Variants in SPTB observed in about 807,000 individuals in gnomAD.
The protein encoded by SPTB is spectrin beta, erythrocytic, also known as spectrin beta chain, erythrocytic.
Under a neutral mutation model 256.2 loss-of-function variants are expected in SPTB, and 45 were observed. That is an observed-to-expected ratio of 0.18 (90% CI 0.14 to 0.23). The LOEUF (loss-of-function observed/expected upper bound fraction) is 0.23, where lower values mean the gene tolerates loss of function less well. Among genes scored for constraint, SPTB ranks in the 10% least tolerant of loss-of-function variants. The pLI is 1.00. For synonymous variants in SPTB, 1,231 were observed against 1,243.1 expected (o/e 0.99, Z 0.21); for missense variants, 2,715 against 3,040.4 (o/e 0.89, Z 2.52).
intron 1 of SPTB, among the ~76,000 whole-genome samples, chr14:64,836,362 C>A (rs1481115620): frequency 6.6e-6 from 1 of 152,142 alleles, no homozygotes; most frequent in Non-Finnish European, 1.5e-5. Flanking sequence ...ACACATAAAG[C>A]TGCTGCACAG....
Position 64,826,128 on chromosome 14 carries a change from G to A in SPTB, c.-51-2983C>T, listed in dbSNP as rs1354698646. 6.6e-6 allele frequency among the ~76,000 whole-genome samples: 1 copy of A among 152,232 alleles called. No homozygotes were observed. Among genetic ancestry groups the A allele is most frequent in the Non-Finnish European group, 1.5e-5 (1 of 68,042 alleles). ...GCCCTGCCCAGATGGCATTCCATCAGAGTCAAGGGGGTCATGGGATGGGCC... is the reference window on the plus strand; with the variant it reads ...GCCCTGCCCAGATGGCATTCCATCAAAGTCAAGGGGGTCATGGGATGGGCC... On this transcript the variant is annotated intron_variant, in intron 1 of 35. Transcript: ENST00000644917. The surrounding 1 kb of genome is among the most constrained non-coding windows in gnomAD (Gnocchi z 4.4).
chr14:64,799,230 T>C (rs2082835361), intron 9 of SPTB, among the ~76,000 whole-genome samples: 1 of 152,244 alleles, frequency 6.6e-6, no homozygotes, highest in Non-Finnish European at 1.5e-5. Flanking sequence ...TGTAAGCATA[T>C]GCACACAGGC....
At position 64,873,491 on chromosome 14, in the gene SPTB, C is replaced by T. The variant is rs966662721; in HGVS notation, c.-52+6301G>A. 2.0e-5 allele frequency among the ~76,000 whole-genome samples: 3 copies of T among 152,160 alleles called. No homozygotes were observed. The highest frequency in any genetic ancestry group is 4.4e-5 in the Non-Finnish European group (3 of 68,030). On this transcript the variant is annotated intron_variant, in intron 1 of 35. Coordinates refer to ENST00000644917, the MANE Select transcript of SPTB (RefSeq NM_001355436.2). This position sits in a 1 kb window ranked among gnomAD's most constrained non-coding sequence, Gnocchi z 4.3. ...ATGAAAAACCCAAAACATCAATTAA[C>T]GGGCAGATGAACCCTTCATTTATCT...
At chr14:64,857,611 A>T (rs1296358877) in intron 1 of SPTB, among the ~76,000 whole-genome samples, 5 of 146,148 alleles carry the variant, frequency 3.4e-5, no homozygotes, top group African/African-American at 1.3e-4. Flanking sequence ...AAAAATCCTG[A>T]TTCTGGAAAT....
At chr14:64,801,915 A>G in intron 5 of SPTB, 81 bp from the exon 6 acceptor site, 12 of 1,352,972 alleles carry the variant, frequency 8.9e-6, no homozygotes, top group Non-Finnish European at 1.3e-5. Context: ...GGGCCAATAT[A>G]CCAGGAGAGA....
intron 1 of SPTB, among the ~76,000 whole-genome samples, chr14:64,849,672 G>C (rs1444851187): frequency 1.3e-5 from 2 of 152,154 alleles, no homozygotes; most frequent in Non-Finnish European, 2.9e-5. Context: ...ACTGAGATGA[G>C]GGCCATTCCT....
rs1444526387 is a variant in SPTB, at chr14:64,845,607, A to C, written c.-51-22462T>G. Reference sequence around the variant, plus strand: ...TAGGACTGTAGAGATGAAAAGCAAAAGGTTGTGACACCAGTATCAGGAGAC... The same window carrying C: ...TAGGACTGTAGAGATGAAAAGCAAACGGTTGTGACACCAGTATCAGGAGAC... On this transcript the variant is annotated intron_variant, in intron 1 of 35. Transcript: ENST00000644917. The surrounding 1 kb of genome is among the most constrained non-coding windows in gnomAD (Gnocchi z 4.8). Among the ~76,000 whole-genome samples, 1 of 152,238 alleles carries C rather than the reference A, an allele frequency of 6.6e-6. No homozygotes were observed. The highest frequency in any genetic ancestry group is 1.5e-5 in the Non-Finnish European group (1 of 68,040).
chr14:64,842,947 G>T (rs2083630418), intron 1 of SPTB, among the ~76,000 whole-genome samples: 1 of 152,080 alleles, frequency 6.6e-6, no homozygotes, highest in African/African-American at 2.4e-5. Flanking sequence ...CACACCTATA[G>T]TCTCAGCTAT....
chr14:64,749,959 T>C lies in SPTB; in HGVS notation c.6776+22A>G. On this transcript the variant is annotated intron_variant, in intron 34 of 35. Coordinates refer to ENST00000644917, the MANE Select transcript of SPTB (RefSeq NM_001355436.2). This position sits in a 1 kb window ranked among gnomAD's most constrained non-coding sequence, Gnocchi z 4.7. ...CAAATCAAGCCATCAACCCGAGCTT[T>C]CAAAGGCCAGGAAGGCCTCACCTCA... The C allele has an allele frequency of 3.1e-6, 5 of 1,614,190 alleles. No homozygotes were observed. Among genetic ancestry groups the C allele is most frequent in the Non-Finnish European group, 4.2e-6 (5 of 1,180,034 alleles).
chr14:64,779,378 G>T lies in SPTB; in HGVS notation c.4474-132C>A. 2.5e-6 allele frequency: 2 copies of T among 797,178 alleles called. No individual in the cohort carries two copies. Among genetic ancestry groups the T allele is most frequent in the Non-Finnish European group, 4.3e-6 (2 of 468,262 alleles). 49.4% of individuals were successfully genotyped at this position (797,178 alleles called of 1,614,324 possible). ...CCTCCCAACACCCCATCAGGGTTTT[G>T]CCCCCATTTTATAGGTTAGAATATT... On this transcript the variant is annotated intron_variant, in intron 21 of 35. Coordinates refer to ENST00000644917, the MANE Select transcript of SPTB (RefSeq NM_001355436.2). This position sits in a 1 kb window ranked among gnomAD's most constrained non-coding sequence, Gnocchi z 4.2.
At chr14:64,815,792 T>C (rs2083181064) in intron 2 of SPTB, among the ~76,000 whole-genome samples, 1 of 152,128 alleles carries the variant, frequency 6.6e-6, no homozygotes, top group Non-Finnish European at 1.5e-5. Context: ...CACCACTCCA[T>C]AGGTGGCTTC....
intron 25 of SPTB, 40 bp downstream of exon 25, chr14:64,773,180 T>C: frequency 6.2e-7 from 1 of 1,612,730 alleles, no homozygotes; most frequent in Non-Finnish European, 8.5e-7. Flanking sequence ...GTCTACCGCA[T>C]TAGAGAAAGA....
rs972687353 is a variant in SPTB, at chr14:64,845,071, C to T, written c.-51-21926G>A. 6.6e-6 allele frequency among the ~76,000 whole-genome samples: 1 copy of T among 152,220 alleles called. No individual in the cohort carries two copies. Among genetic ancestry groups the T allele is most frequent in the African/African-American group, 2.4e-5 (1 of 41,450 alleles). On this transcript the variant is annotated intron_variant, in intron 1 of 35. Transcript: ENST00000644917. The surrounding 1 kb of genome is among the most constrained non-coding windows in gnomAD (Gnocchi z 4.8). ...AGCAAAGCACTGAGAAATGAAAGATCCAAAGTAATCCATAACCAAACCAGG... is the reference window on the plus strand; with the variant it reads ...AGCAAAGCACTGAGAAATGAAAGATTCAAAGTAATCCATAACCAAACCAGG...
chr14:64,767,837 C>T lies in SPTB; in HGVS notation c.6045G>A (p.Ser2015=), dbSNP rs149362111. Residue 2015 remains serine, a synonymous_variant, in exon 30 of 36, where the codon TCG becomes TCA. Transcript: ENST00000644917. ...ACGCCTCAGCCACAGAGGCATCCCT[C>T]GAGAACTGGCACACCTCCAGCACTG... ...LRMLLEVCQF[S]RDASVAEAWL... is the part of the protein sequence containing the mutation. 3.6e-4 allele frequency: 573 copies of T among 1,614,024 alleles called. 1 individual carries two copies. In the African/African-American group the frequency reaches 4.4e-3, roughly 12 times the overall value.
At chr14:64,855,254 G>C (rs1566804769) in intron 1 of SPTB, among the ~76,000 whole-genome samples, 1 of 152,224 alleles carries the variant, frequency 6.6e-6, no homozygotes, top group Non-Finnish European at 1.5e-5. Flanking sequence ...TCCATGTGAA[G>C]ACAAAATGTC....
rs538280231 is a variant in SPTB, at chr14:64,829,864, C to T, written c.-51-6719G>A. Among the ~76,000 whole-genome samples the T allele has an allele frequency of 2.2e-4, 34 of 152,326 alleles. No homozygotes were observed. In the Middle Eastern group the frequency reaches 0.01, roughly 46 times the overall value. On this transcript the variant is annotated intron_variant, in intron 1 of 35. Coordinates refer to ENST00000644917, the MANE Select transcript of SPTB (RefSeq NM_001355436.2). ...TTTTCTCCAAGATCATCTCCCCACA[C>T]CCCCTATAGGTAACCTGCCAGCCTT...
intron 1 of SPTB, among the ~76,000 whole-genome samples, chr14:64,849,243 A>G (rs1192276999): frequency 6.6e-6 from 1 of 152,216 alleles, no homozygotes; most frequent in East Asian, 1.9e-4. Context: ...CATATCCTCA[A>G]TTGGCTTCAA....
At position 64,795,803 on chromosome 14, in the gene SPTB, C is replaced by G. The variant is rs1368381912; in HGVS notation, c.1342-164G>C. Among the ~76,000 whole-genome samples the G allele has an allele frequency of 6.6e-6, 1 of 152,158 alleles. No individual in the cohort carries two copies. Among genetic ancestry groups the G allele is most frequent in the Non-Finnish European group, 1.5e-5 (1 of 68,018 alleles). ...CTTTTGCAGCCTGTCTTATCAGACC[C>G]AAGTTCCAAAAATTAATGTCTCACA... On this transcript the variant is annotated intron_variant, in intron 11 of 35. Coordinates refer to ENST00000644917, the MANE Select transcript of SPTB (RefSeq NM_001355436.2). The surrounding 1 kb of genome is among the most constrained non-coding windows in gnomAD (Gnocchi z 6.5).
At chr14:64,836,951 T>C (rs2083532573) in intron 1 of SPTB, among the ~76,000 whole-genome samples, 1 of 152,130 alleles carries the variant, frequency 6.6e-6, no homozygotes, top group Non-Finnish European at 1.5e-5. Context: ...ACCAGGCCAA[T>C]GGGTGAGAAA....
Sources: allele counts gnomAD v4.1 joint callset (sites outside exome capture counted in the v4.1 genomes callset), GRCh38; gene constraint gnomAD v4.1.1; non-coding constraint Gnocchi (gnomAD v3.1); transcripts MANE v1.5; gene names NCBI Gene and HGNC (gene_info 2026-07-23, HGNC 2026-07-21).